The following CD226 variants were observed in gnomAD, a reference collection of about 807,000 sequenced individuals.
The protein encoded by CD226 is CD226 molecule.
In CD226, 24 loss-of-function variants were observed where a neutral mutation model predicts 34.9. The observed-to-expected ratio is 0.69, with a 90% CI of 0.50 to 0.97. The LOEUF is 0.97. CD226 is among the 50% of genes least tolerant of loss of function. The probability of loss-of-function intolerance (pLI) is 0.00; values close to 1 mark genes in which losing one functional copy is unlikely to be tolerated. For missense variants in CD226, 397 were observed against 412.7 expected (o/e 0.96, Z 0.33); for synonymous variants, 148 against 147.4 (o/e 1.00, Z -0.03).
At chr18:69,872,574 G>A (rs1363089197) in intron 4 of CD226, among the ~76,000 whole-genome samples, 5 of 152,068 alleles carry the variant, frequency 3.3e-5, no homozygotes, top group African/African-American at 4.8e-5. Context: ...AAAAAATTTA[G>A]TATAGGCCAA....
Position 69,867,345 on chromosome 18 carries a change from G to A in CD226, c.885+12C>T, listed in dbSNP as rs376804767. 4.1e-5 allele frequency: 64 copies of A among 1,571,382 alleles called. No individual in the cohort carries two copies. Among genetic ancestry groups the A allele is most frequent in the South Asian group, 2.7e-4 (24 of 90,028 alleles). ...TACAAAAGAAAAAAATGACAGTTCC[G>A]TATAAACTTACCTTCTGTGTATCCC... is the stretch of plus-strand genomic sequence containing the variant. On this transcript the variant is annotated intron_variant, in intron 5 of 5. Transcript: ENST00000582621.
chr18:69,928,738 CA>C (rs1239934137), intron 2 of CD226, among the ~76,000 whole-genome samples: 2 of 152,106 alleles, frequency 1.3e-5, no homozygotes, highest in African/African-American at 4.8e-5. Context: ...TGTTGGCATT[CA>C]AAGAGTTTTG....
At position 69,858,897 on chromosome 18, in the gene CD226, T is replaced by G. The variant is rs186056376; in HGVS notation, c.*5417A>C. ...GGTGCGTGCCACCAGGCCTGGCTAA[T>G]TTTTCTATTTTTACTAAGACAGGGT... On this transcript the variant is annotated 3_prime_UTR_variant, in exon 6 of 6. Transcript: ENST00000582621. The G allele has an allele frequency of 1.5e-4, 23 of 151,644 alleles. No homozygotes were observed. The highest frequency in any genetic ancestry group is 5.3e-4 in the African/African-American group (22 of 41,360). 9.4% of individuals were successfully genotyped at this position (151,644 alleles called of 1,614,324 possible). A position where few individuals can be genotyped will look rare whatever the true frequency, so the allele number is the denominator to read the frequency against.
At chr18:69,886,110 C>A (rs1429931988) in intron 3 of CD226, among the ~76,000 whole-genome samples, 1 of 152,082 alleles carries the variant, frequency 6.6e-6, no homozygotes, top group Non-Finnish European at 1.5e-5. Context: ...AGTGCTGGGG[C>A]CAAGAATAGG....
upstream of CD226, among the ~76,000 whole-genome samples, chr18:69,951,524 G>C (rs2055854086): frequency 6.6e-6 from 1 of 151,544 alleles, no homozygotes; most frequent in Non-Finnish European, 1.5e-5. Flanking sequence ...GTGGTAGAGA[G>C]AGACAGAATG....
At position 69,863,481 on chromosome 18, in the gene CD226, C is replaced by T. The variant is rs1433555302; in HGVS notation, c.*833G>A. 1 of 152,138 alleles carries T rather than the reference C, an allele frequency of 6.6e-6. No individual in the cohort carries two copies. Among genetic ancestry groups the T allele is most frequent in the Non-Finnish European group, 1.5e-5 (1 of 68,018 alleles). 9.4% of individuals were successfully genotyped at this position (152,138 alleles called of 1,614,324 possible). A position where few individuals can be genotyped will look rare whatever the true frequency, so the allele number is the denominator to read the frequency against. On this transcript the variant is annotated 3_prime_UTR_variant, in exon 6 of 6. Coordinates refer to ENST00000582621, the MANE Select transcript of CD226 (RefSeq NM_001303618.2). ...TGAGAATAGTAAAGGATTGCCCTCT[C>T]GCATTTATCTTCCTCTTGAATATTC... is the stretch of plus-strand genomic sequence containing the variant.
intron 2 of CD226, among the ~76,000 whole-genome samples, chr18:69,904,002 C>T (rs2055219684): frequency 6.6e-6 from 1 of 152,266 alleles, no homozygotes; most frequent in Non-Finnish European, 1.5e-5. Context: ...CGGCCGTCTT[C>T]ACAACACTGC....
intron 2 of CD226, among the ~76,000 whole-genome samples, chr18:69,908,227 T>C (rs2055280279): frequency 6.6e-6 from 1 of 152,238 alleles, no homozygotes; most frequent in South Asian, 2.1e-4. Context: ...TGTGGCTATG[T>C]CTTGCTTTTC....
intron 2 of CD226, among the ~76,000 whole-genome samples, chr18:69,908,934 A>C (rs2055289658): frequency 6.6e-6 from 1 of 152,244 alleles, no homozygotes; most frequent in Admixed American, 6.5e-5. Context: ...TTTATCCTTC[A>C]AAATTTATCC....
chr18:69,921,399 G>A (rs1264565576), intron 2 of CD226, among the ~76,000 whole-genome samples: 1 of 152,150 alleles, frequency 6.6e-6, no homozygotes, highest in Non-Finnish European at 1.5e-5. Context: ...TGGGGGCGCA[G>A]TTTGCATCCT....
At chr18:69,947,330 T>TTC in intron 1 of CD226, 31 bp downstream of exon 1, 1 of 1,439,186 alleles carries the variant, frequency 6.9e-7, no homozygotes, top group South Asian at 1.2e-5. Context: ...GGAGCAAAAC[T>TTC]TTTAAATGAA....
intron 3 of CD226, among the ~76,000 whole-genome samples, 172 bp downstream of exon 3, chr18:69,895,529 A>G (rs1451170282): frequency 3.3e-5 from 5 of 152,204 alleles, no homozygotes; most frequent in Non-Finnish European, 5.9e-5. Context: ...TTCACAAGAT[A>G]AAGAAACCCT....
intron 5 of CD226, among the ~76,000 whole-genome samples, chr18:69,865,912 C>G (rs573059543): frequency 6.6e-6 from 1 of 152,230 alleles, no homozygotes; most frequent in Admixed American, 6.5e-5. Context: ...GTTTGGGCTG[C>G]TGTAACAAAA....
At chr18:69,898,634 A>G (rs2068809500) in intron 2 of CD226, among the ~76,000 whole-genome samples, 1 of 152,212 alleles carries the variant, frequency 6.6e-6, no homozygotes, top group African/African-American at 2.4e-5. Flanking sequence ...CCCTAGAGCC[A>G]GGTGGTTCAG....
chr18:69,871,280 C>A (rs1983506027), intron 4 of CD226, among the ~76,000 whole-genome samples: 2 of 152,144 alleles, frequency 1.3e-5, no homozygotes, highest in South Asian at 4.1e-4. Flanking sequence ...CACCTCGGTT[C>A]CTTACTTCAA....
rs1397269569 is a variant in CD226 at position 69,923,706 on chromosome 18, C to A, written c.382+23028G>T. 2.6e-5 allele frequency among the ~76,000 whole-genome samples: 4 copies of A among 152,182 alleles called. No homozygotes were observed. In the South Asian group the frequency reaches 6.2e-4, roughly 24 times the overall value. On this transcript the variant is annotated intron_variant, in intron 2 of 5. Transcript: ENST00000582621. ...CGGTGGCTCACGCCTGTAATCCCAG[C>A]ACTTTGGGAGGCCGAGGCGGGCGGA...
chr18:69,911,901 A>G (rs893908018), intron 2 of CD226, among the ~76,000 whole-genome samples: 1 of 152,196 alleles, frequency 6.6e-6, no homozygotes, highest in Admixed American at 6.5e-5. Flanking sequence ...GTCTTTGCCC[A>G]CAAAAATATA....
chr18:69,939,397 A>G (rs2055695616), intron 2 of CD226, among the ~76,000 whole-genome samples: 1 of 152,220 alleles, frequency 6.6e-6, no homozygotes, highest in African/African-American at 2.4e-5. Flanking sequence ...CTTTCAACAC[A>G]AAGTTCATGA....
upstream of CD226, among the ~76,000 whole-genome samples, chr18:69,948,330 T>C (rs59933913): frequency 0.019 from 2,918 of 152,308 alleles, 47 homozygotes; most frequent in African/African-American, 0.048. Flanking sequence ...ATCAGCATGT[T>C]AGTATAAAAA....
Sources: allele counts gnomAD v4.1 joint callset (sites outside exome capture counted in the v4.1 genomes callset), GRCh38; gene constraint gnomAD v4.1.1; transcripts MANE v1.5; gene names NCBI Gene and HGNC (gene_info 2026-07-23, HGNC 2026-07-21).